GARRE1: variants seen among roughly 807,000 people sequenced by gnomAD.
The protein encoded by GARRE1 is granule associated Rac and RHOG effector protein 1.
Under a neutral mutation model 103.2 loss-of-function variants are expected in GARRE1, and 49 were observed. The observed-to-expected ratio is 0.47, with a 90% CI of 0.38 to 0.60. The LOEUF is 0.60. Ranked by LOEUF, GARRE1 falls within the 20% of genes least tolerant of loss-of-function variation. The pLI, the probability that GARRE1 is intolerant of heterozygous loss-of-function variation, is 0.00. For synonymous variants in GARRE1, 505 were observed against 532.8 expected, an observed-to-expected ratio of 0.95 and a Z score of 0.72; for missense variants, 1,199 against 1,370.5, an observed-to-expected ratio of 0.87 and a Z score of 1.98.
chr19:34,318,790 C>T (rs2074071563), intron 2 of GARRE1, among the ~76,000 whole-genome samples: 1 of 152,082 alleles, frequency 6.6e-6, no homozygotes, highest in Admixed American at 6.5e-5. Context: ...GCCTGTAATC[C>T]CAGCCCTTTG....
At chr19:34,279,225 C>T (rs1370969411) in intron 1 of GARRE1, among the ~76,000 whole-genome samples, 1 of 152,216 alleles carries the variant, frequency 6.6e-6, no homozygotes, top group Admixed American at 6.5e-5. Context: ...CTGTTTTCCA[C>T]AGTGGCTGCA....
Position 34,342,069 on chromosome 19 carries a change from C to T in GARRE1, c.2135C>T (p.Thr712Ile). 6.2e-7 allele frequency: 1 copy of T among 1,614,156 alleles called. No individual in the cohort carries two copies. Among genetic ancestry groups the T allele is most frequent in the Non-Finnish European group, 8.5e-7 (1 of 1,180,026 alleles). The stretch of plus-strand genomic sequence containing the variant: ...CAGGCTGGGGCACACACACCTCTGA[C>T]ACCCCAGCCGGGACTGGCACCTCAG... ...APQAGAHTPL[T>I]PQPGLAPQQQ... Residue 712 changes from threonine to isoleucine, a missense_variant, in exon 10 of 14, where the codon ACA becomes ATA. Coordinates refer to ENST00000299505, the MANE Select transcript of GARRE1 (RefSeq NM_014686.5).
chr19:34,290,211 C>CTGGGCGT (rs1460980607), intron 1 of GARRE1, among the ~76,000 whole-genome samples: 1 of 152,028 alleles, frequency 6.6e-6, no homozygotes, highest in Non-Finnish European at 1.5e-5. Flanking sequence ...CAAAAATTAA[C>CTGGGCGT]TGGGCGTGGT....
chr19:34,256,543 T>C (rs1431253670), intron 1 of GARRE1, among the ~76,000 whole-genome samples: 1 of 151,584 alleles, frequency 6.6e-6, no homozygotes, highest in African/African-American at 2.4e-5. Context: ...AAGAAATTCA[T>C]GTTTGCGTCT....
At chr19:34,317,914 C>T (rs1402966135) in intron 2 of GARRE1, among the ~76,000 whole-genome samples, 1 of 152,124 alleles carries the variant, frequency 6.6e-6, no homozygotes, top group Admixed American at 6.5e-5. Context: ...GTCTAACTGG[C>T]CTAGGTGCGC....
At chr19:34,296,644 T>A in intron 1 of GARRE1, 1 of 1,062,226 alleles carries the variant, frequency 9.4e-7, no homozygotes, top group Non-Finnish European at 1.4e-6. Context: ...TCCATCCACT[T>A]AAGAGATTTG....
intron 1 of GARRE1, among the ~76,000 whole-genome samples, chr19:34,258,789 CA>C (rs5827898): frequency 1.2e-4 from 18 of 144,346 alleles, no homozygotes; most frequent in African/African-American, 2.6e-4. Flanking sequence ...GACTCCGTCT[CA>C]AAAAAAAAAA....
At chr19:34,271,596 C>T (rs1265574894) in intron 1 of GARRE1, among the ~76,000 whole-genome samples, 2 of 152,066 alleles carry the variant, frequency 1.3e-5, no homozygotes, top group Non-Finnish European at 2.9e-5. Context: ...CGCGGTGGCT[C>T]ATGTCTGTAG....
intron 1 of GARRE1, among the ~76,000 whole-genome samples, chr19:34,282,300 C>T (rs763012749): frequency 4.6e-5 from 7 of 152,190 alleles, no homozygotes; most frequent in Non-Finnish European, 7.4e-5. Flanking sequence ...TACAGGCGCA[C>T]GCCACCACAC....
In GARRE1 at chr19:34,299,709, T is replaced by C. The variant is rs994872726; in HGVS notation, c.-765T>C. 4 of 152,214 alleles carry C rather than the reference T, an allele frequency of 2.6e-5. No homozygotes were observed. Among genetic ancestry groups the C allele is most frequent in the African/African-American group, 9.6e-5 (4 of 41,460 alleles). The allele number at this position is 152,214 out of a possible 1,614,324, so 9.4% of individuals were successfully genotyped here. ...GACTTAGAAGCCTTACAAATACATCTGTGCATTCTTGCTTCAGACTTTACA... is the reference window on the plus strand; with the variant it reads ...GACTTAGAAGCCTTACAAATACATCCGTGCATTCTTGCTTCAGACTTTACA... On this transcript the variant is annotated 5_prime_UTR_variant, in exon 2 of 14. Coordinates refer to ENST00000299505, the MANE Select transcript of GARRE1 (RefSeq NM_014686.5).
At chr19:34,288,804 G>C (rs982555833) in intron 1 of GARRE1, among the ~76,000 whole-genome samples, 5 of 152,228 alleles carry the variant, frequency 3.3e-5, no homozygotes, top group African/African-American at 1.2e-4. Context: ...AGCTGAAGAA[G>C]GGCTGCTAGA....
chr19:34,312,304 CAT>C (rs1193819685), intron 2 of GARRE1, among the ~76,000 whole-genome samples: 9 of 152,296 alleles, frequency 5.9e-5, no homozygotes, highest in African/African-American at 1.4e-4. Flanking sequence ...ATATATGTAA[CAT>C]AAATTTTGCC....
At chr19:34,333,569 G>C (rs995063155) in intron 7 of GARRE1, 135 bp from the exon 8 acceptor site, 1 of 611,142 alleles carries the variant, frequency 1.6e-6, no homozygotes, top group Admixed American at 2.9e-5. Context: ...ACGGGGCCCT[G>C]ACTGGCCTTG....
intron 1 of GARRE1, among the ~76,000 whole-genome samples, chr19:34,275,749 A>C (rs1004181629): frequency 3.9e-5 from 6 of 152,038 alleles, no homozygotes; most frequent in African/African-American, 1.2e-4. Flanking sequence ...CTAGGAGTAA[A>C]ATTTCTTGGT....
intron 1 of GARRE1, among the ~76,000 whole-genome samples, chr19:34,255,848 ATTTG>A (rs1365809558): frequency 1.6e-5 from 2 of 124,262 alleles, no homozygotes; most frequent in East Asian, 2.0e-4. Context: ...AGGTAACTTT[ATTTG>A]TTTTTTTTTG....
At chr19:34,305,017 C>G (rs1385428047) in intron 2 of GARRE1, among the ~76,000 whole-genome samples, 3 of 152,180 alleles carry the variant, frequency 2.0e-5, no homozygotes, top group African/African-American at 4.8e-5. Context: ...TGGTCTTGAT[C>G]TCCTGACCTC....
At chr19:34,294,834 T>C (rs1033046884) in intron 1 of GARRE1, among the ~76,000 whole-genome samples, 1 of 152,114 alleles carries the variant, frequency 6.6e-6, no homozygotes, top group African/African-American at 2.4e-5. Context: ...GCAACACACC[T>C]GGCTAATTTT....
At chr19:34,279,958 C>T (rs1418123196) in intron 1 of GARRE1, among the ~76,000 whole-genome samples, 3 of 140,194 alleles carry the variant, frequency 2.1e-5, no homozygotes, top group African/African-American at 8.4e-5. Context: ...GCACTCCAGC[C>T]TGGGCGACAG....
chr19:34,328,685 G>A (rs1007105193), intron 6 of GARRE1, among the ~76,000 whole-genome samples: 1 of 151,994 alleles, frequency 6.6e-6, no homozygotes, highest in Non-Finnish European at 1.5e-5. Context: ...TCAGCTCACT[G>A]CAACCTTCAC....
Sources: gnomAD v4.1 joint callset for allele counts (sites outside exome capture counted in the v4.1 genomes callset) on GRCh38, gnomAD v4.1.1 for gene constraint, MANE v1.5 for transcripts, NCBI Gene and HGNC (gene_info 2026-07-23, HGNC 2026-07-21) for gene names.